MBTD1: variants seen among roughly 807,000 people sequenced by gnomAD.
The protein encoded by MBTD1 is mbt domain containing 1, also known as MBT domain-containing protein 1.
MBTD1 carries 24 observed loss-of-function variants against 87.8 expected under a neutral mutation model. That is an observed-to-expected ratio of 0.27 (90% CI 0.20 to 0.38). The LOEUF (loss-of-function observed/expected upper bound fraction) is 0.38. MBTD1 is among the 10% of genes least tolerant of loss of function. The pLI, the probability that MBTD1 is intolerant of heterozygous loss-of-function variation, is 1.00. For synonymous variants in MBTD1, 237 were observed against 248.6 expected, an observed-to-expected ratio of 0.95 and a Z score of 0.44; for missense variants, 436 against 760.2, an observed-to-expected ratio of 0.57 and a Z score of 5.02.
At chr17:51,244,981 A>G (rs1011340420) in intron 2 of MBTD1, among the ~76,000 whole-genome samples, 1 of 151,830 alleles carries the variant, frequency 6.6e-6, no homozygotes, top group Non-Finnish European at 1.5e-5. Context: ...GCTCACTGCA[A>G]CCTCCGCCTC....
intron 12 of MBTD1, among the ~76,000 whole-genome samples, chr17:51,200,006 T>C (rs151123631): frequency 1.3e-3 from 203 of 152,234 alleles, no homozygotes; most frequent in African/African-American, 4.6e-3. Context: ...TTTGTAGTTT[T>C]AGTAGAGACA....
At chr17:51,232,298 C>T (rs1432483890) in intron 2 of MBTD1, among the ~76,000 whole-genome samples, 1 of 152,126 alleles carries the variant, frequency 6.6e-6, no homozygotes, top group South Asian at 2.1e-4. Context: ...ACCTACCATT[C>T]AGGCCTTTCA....
rs1334745989 is a variant in MBTD1 at position 51,179,498 on chromosome 17, A to ATT, written c.*1077_*1078insAA. 4,249 of 58,402 alleles carry ATT rather than the reference A, an allele frequency of 0.073. 614 individuals are homozygous for ATT. The highest frequency in any genetic ancestry group is 0.23 in the African/African-American group (4,001 of 17,762). 3.6% of individuals were successfully genotyped at this position (58,402 alleles called of 1,614,324 possible). On this transcript the variant is annotated 3_prime_UTR_variant, in exon 17 of 17. Transcript: ENST00000586178. ...TAAAGACAATTTTATATATATATAT[A>ATT]TATATATATATATATATATATATAT...
intron 6 of MBTD1, among the ~76,000 whole-genome samples, chr17:51,214,605 A>G (rs767393113): frequency 6.6e-6 from 1 of 152,216 alleles, no homozygotes; most frequent in Admixed American, 6.5e-5. Flanking sequence ...GGGCTCTGAC[A>G]GCGTCCCCAT....
In MBTD1 at chr17:51,218,891, T is replaced by C. The variant is rs763381868; in HGVS notation, c.403+39A>G. On this transcript the variant is annotated intron_variant, in intron 5 of 16. Coordinates refer to ENST00000586178, the MANE Select transcript of MBTD1 (RefSeq NM_017643.3). ...CATTAATTAAAACTAAATGAATCAATGTCATATATTTCACCTCTGTCAGAT... is the reference window on the plus strand; with the variant it reads ...CATTAATTAAAACTAAATGAATCAACGTCATATATTTCACCTCTGTCAGAT... 8.9e-6 allele frequency: 10 copies of C among 1,125,544 alleles called. No homozygotes were observed. In the South Asian group the frequency reaches 9.3e-5, roughly 10 times the overall value. The allele number at this position is 1,125,544 out of a possible 1,614,324, so 69.7% of individuals were successfully genotyped here.
chr17:51,239,957 C>T (rs776238112), intron 2 of MBTD1, among the ~76,000 whole-genome samples: 3 of 152,200 alleles, frequency 2.0e-5, no homozygotes, highest in Non-Finnish European at 4.4e-5. Flanking sequence ...ACACCCTTTA[C>T]AAGATCTTCT....
chr17:51,232,361 T>A (rs576427158), intron 2 of MBTD1, among the ~76,000 whole-genome samples: 173 of 152,070 alleles, frequency 1.1e-3, no homozygotes, highest in African/African-American at 4.0e-3. Flanking sequence ...AGCAAACACA[T>A]AATAAGTAAT....
intron 5 of MBTD1, 37 bp downstream of exon 5, chr17:51,218,893 T>A (rs1314979353): frequency 1.7e-6 from 2 of 1,146,074 alleles, no homozygotes; most frequent in Non-Finnish European, 2.6e-6. Flanking sequence ...TGAATCAATG[T>A]CATATATTTC....
At chr17:51,248,370 G>A (rs1362597466) in intron 2 of MBTD1, among the ~76,000 whole-genome samples, 1 of 152,092 alleles carries the variant, frequency 6.6e-6, no homozygotes, top group South Asian at 2.1e-4. Context: ...ACAGATTCTG[G>A]TATGTAGTAT....
intron 2 of MBTD1, among the ~76,000 whole-genome samples, chr17:51,242,425 A>G (rs966267635): frequency 3.9e-5 from 6 of 152,230 alleles, no homozygotes; most frequent in Admixed American, 6.5e-5. Context: ...GCATTACAGC[A>G]TATCACTACA....
chr17:51,257,189 C>T (rs2055139422), intron 2 of MBTD1, among the ~76,000 whole-genome samples: 1 of 152,172 alleles, frequency 6.6e-6, no homozygotes, highest in African/African-American at 2.4e-5. Context: ...TATTGTAAGT[C>T]CTTTCTCTTT....
At chr17:51,258,008 C>CA (rs11324573) in intron 2 of MBTD1, among the ~76,000 whole-genome samples, 62,642 of 136,796 alleles carry the variant, frequency 0.46, 15,679 homozygotes, top group South Asian at 0.61. Flanking sequence ...GGAGGTGGTG[C>CA]AAAAAAAAAA....
At chr17:51,260,151 T>C (rs988162285), upstream of MBTD1, 5 of 366,242 alleles carry the variant, frequency 1.4e-5, no homozygotes, top group African/African-American at 6.3e-5. Context: ...TGGGACCCTC[T>C]GCAGGCTCCG....
At chr17:51,210,104 C>A (rs2052086512) in intron 6 of MBTD1, among the ~76,000 whole-genome samples, 1 of 152,084 alleles carries the variant, frequency 6.6e-6, no homozygotes, top group African/African-American at 2.4e-5. Flanking sequence ...TGGGTCCAAG[C>A]CATTCTCTTG....
chr17:51,244,234 T>C (rs911904147), intron 2 of MBTD1, among the ~76,000 whole-genome samples: 1 of 152,188 alleles, frequency 6.6e-6, no homozygotes, highest in Non-Finnish European at 1.5e-5. Context: ...TCCAGCACTT[T>C]TTTATCAGTC....
At chr17:51,228,275 G>C (rs758447517) in intron 2 of MBTD1, among the ~76,000 whole-genome samples, 8 of 152,024 alleles carry the variant, frequency 5.3e-5, no homozygotes, top group Non-Finnish European at 1.0e-4. Flanking sequence ...TGAGTACTAG[G>C]CTACTAGGCT....
chr17:51,256,852 G>T (rs1340452826), intron 2 of MBTD1: 1 of 152,194 alleles, frequency 6.6e-6, no homozygotes, highest in African/African-American at 2.4e-5. Flanking sequence ...TGGAGGCACA[G>T]GATCTTGTCC....
At chr17:51,190,770 T>TATATATATATATAA (rs1360538089) in intron 16 of MBTD1, among the ~76,000 whole-genome samples, 6 of 111,938 alleles carry the variant, frequency 5.4e-5, no homozygotes, top group African/African-American at 1.5e-4. Context: ...TATATATATA[T>TATATATATATATAA]AACCTTATCT....
At chr17:51,215,134 G>A (rs931631013) in intron 6 of MBTD1, among the ~76,000 whole-genome samples, 1 of 152,182 alleles carries the variant, frequency 6.6e-6, no homozygotes, top group Non-Finnish European at 1.5e-5. Context: ...AAATGGAACA[G>A]GAAGGCACTG....
Sources: allele counts gnomAD v4.1 joint callset (sites outside exome capture counted in the v4.1 genomes callset), GRCh38; gene constraint gnomAD v4.1.1; transcripts MANE v1.5; gene names NCBI Gene and HGNC (gene_info 2026-07-23, HGNC 2026-07-21).